The following NRXN3 variants were observed in gnomAD, a reference collection of about 807,000 sequenced individuals.
NRXN3 encodes neurexin 3.
Under a neutral mutation model 137.6 loss-of-function variants are expected in NRXN3, and 32 were observed. The ratio of observed to expected loss-of-function variants is 0.23; its 90% CI spans 0.18 to 0.31. NRXN3 has a LOEUF of 0.31. NRXN3 is among the 10% of genes least tolerant of loss of function. The pLI is 1.00. For synonymous variants in NRXN3, 798 were observed against 784.5 expected (o/e 1.02, Z -0.29); for missense variants, 1,574 against 2,062.5 (o/e 0.76, Z 4.59).
intron 15 of NRXN3, among the ~76,000 whole-genome samples, chr14:79,420,888 CT>C (rs367762711): frequency 5.7e-4 from 86 of 152,212 alleles, no homozygotes; most frequent in African/African-American, 2.0e-3. Context: ...ACTCATGAAT[CT>C]TTAGGAGAAA....
intron 4 of NRXN3, among the ~76,000 whole-genome samples, chr14:78,522,618 G>A (rs1304488181): frequency 6.6e-6 from 1 of 152,096 alleles, no homozygotes; most frequent in South Asian, 2.1e-4. Context: ...TTTAATGATG[G>A]GGTGGAACTT....
chr14:78,962,352 A>G (rs2099409730), intron 11 of NRXN3, among the ~76,000 whole-genome samples: 1 of 152,160 alleles, frequency 6.6e-6, no homozygotes, highest in African/African-American at 2.4e-5. Context: ...CTTGCCTTAT[A>G]TGGAATTTTC....
intron 1 of NRXN3, among the ~76,000 whole-genome samples, chr14:78,242,044 G>A (rs1427208807): frequency 1.3e-5 from 2 of 152,178 alleles, no homozygotes; most frequent in Admixed American, 1.3e-4. Flanking sequence ...TAAAAATTAG[G>A]TGTGGGTATT....
At chr14:78,596,355 G>A (rs1249581640) in intron 4 of NRXN3, among the ~76,000 whole-genome samples, 1 of 152,162 alleles carries the variant, frequency 6.6e-6, no homozygotes, top group Non-Finnish European at 1.5e-5. Flanking sequence ...GTGGGGTGGG[G>A]AGGGTGAAGC....
intron 17 of NRXN3, among the ~76,000 whole-genome samples, chr14:79,681,155 G>C (rs2154013194): frequency 6.6e-6 from 1 of 152,274 alleles, no homozygotes; most frequent in Non-Finnish European, 1.5e-5. Context: ...GGGCCCAGCT[G>C]TCCATGTCTC....
chr14:79,541,761 C>A (rs541645793), intron 16 of NRXN3, among the ~76,000 whole-genome samples: 1 of 152,278 alleles, frequency 6.6e-6, no homozygotes, highest in South Asian at 2.1e-4. Context: ...TATCAGAAAC[C>A]CACCTGTAGC....
intron 20 of NRXN3, among the ~76,000 whole-genome samples, chr14:79,833,514 T>C (rs2141290989): frequency 6.6e-6 from 1 of 152,210 alleles, no homozygotes; most frequent in Middle Eastern, 3.4e-3. Context: ...AATTTTTGCT[T>C]GAGACGGACA....
At chr14:78,335,176 G>A (rs2153575241) in intron 4 of NRXN3, among the ~76,000 whole-genome samples, 1 of 152,308 alleles carries the variant, frequency 6.6e-6, no homozygotes, top group Non-Finnish European at 1.5e-5. Context: ...TTCTCCTGAA[G>A]TCTGCACTTG....
At chr14:79,146,810 G>A (rs563051805) in intron 15 of NRXN3, among the ~76,000 whole-genome samples, 1 of 152,312 alleles carries the variant, frequency 6.6e-6, no homozygotes, top group South Asian at 2.1e-4. Context: ...AAGGACATTT[G>A]CAGAAGGAAG....
At chr14:78,814,286 G>A (rs934851628) in intron 10 of NRXN3, among the ~76,000 whole-genome samples, 5 of 152,130 alleles carry the variant, frequency 3.3e-5, no homozygotes, top group South Asian at 4.2e-4. Context: ...CCATCATGGC[G>A]AATTGAACTA....
At chr14:78,976,937 T>C (rs1358891173) in intron 14 of NRXN3, among the ~76,000 whole-genome samples, 1 of 152,202 alleles carries the variant, frequency 6.6e-6, no homozygotes, top group Non-Finnish European at 1.5e-5. Context: ...ACTTGGCAGG[T>C]TGTATCTCCA....
At position 78,491,287 on chromosome 14, in the gene NRXN3, AG is replaced by A. The variant is rs2095662090; in HGVS notation, c.758-153828del. ...ATTTTCCAGCTCATTGACCACTCAG[AG>A]GGGGAGGGAAAAGGGATGAGATTCT... On this transcript the variant is annotated intron_variant, in intron 4 of 20. Coordinates refer to ENST00000335750, the MANE Select transcript of NRXN3 (RefSeq NM_001330195.2). Among the ~76,000 whole-genome samples the A allele has an allele frequency of 7.9e-5, 11 of 140,020 alleles. No individual in the cohort carries two copies. The Admixed American group carries it at 8.3e-4, about 11-fold the overall frequency. 91.9% of individuals were successfully genotyped at this position (140,020 alleles called of 152,430 possible).
intron 8 of NRXN3, among the ~76,000 whole-genome samples, chr14:78,802,032 C>T (rs2098840805): frequency 6.6e-6 from 1 of 152,194 alleles, no homozygotes; most frequent in Non-Finnish European, 1.5e-5. Flanking sequence ...TATTTGACAA[C>T]AGCCAATATT....
At chr14:78,225,389 A>G (rs11159341) in intron 1 of NRXN3, among the ~76,000 whole-genome samples, 38,561 of 152,026 alleles carry the variant, frequency 0.25, 5,091 homozygotes, top group Middle Eastern at 0.28. Context: ...TTGGCTGCAT[A>G]AATGTCTTCT....
chr14:79,623,918 G>A (rs994688911), intron 16 of NRXN3, among the ~76,000 whole-genome samples: 11 of 104,388 alleles, frequency 1.1e-4, no homozygotes, highest in African/African-American at 4.0e-4. Flanking sequence ...TTTACTGATT[G>A]TATTTGTTAA....
At chr14:79,698,138 G>C (rs917063965) in intron 19 of NRXN3, among the ~76,000 whole-genome samples, 2 of 151,924 alleles carry the variant, frequency 1.3e-5, no homozygotes, top group African/African-American at 4.8e-5. Flanking sequence ...GCACTCCTGG[G>C]TTGTTATTCT....
At chr14:78,694,139 T>C (rs1394392541) in intron 6 of NRXN3, among the ~76,000 whole-genome samples, 1 of 152,026 alleles carries the variant, frequency 6.6e-6, no homozygotes, top group Non-Finnish European at 1.5e-5. Context: ...CCTGATTTCA[T>C]GGTAGTTTGG....
chr14:78,622,368 T>C (rs1269636167), intron 4 of NRXN3, among the ~76,000 whole-genome samples: 1 of 152,262 alleles, frequency 6.6e-6, no homozygotes, highest in Non-Finnish European at 1.5e-5. Flanking sequence ...TGTGATGGTT[T>C]ATGGAAGTGA....
In NRXN3 at chr14:79,658,197, A is replaced by G. The variant is rs1342049374; in HGVS notation, c.3445-5581A>G. Among the ~76,000 whole-genome samples, 3 of 152,270 alleles carry G rather than the reference A, an allele frequency of 2.0e-5. No homozygotes were observed. The East Asian group carries it at 5.8e-4, about 29-fold the overall frequency. ...CAGACCTGGATTCTATTTTTCCATA[A>G]GTCTCTTATTGTGTGAATTCTCTTG... is the stretch of plus-strand genomic sequence containing the variant. On this transcript the variant is annotated intron_variant, in intron 16 of 20. Coordinates refer to ENST00000335750, the MANE Select transcript of NRXN3 (RefSeq NM_001330195.2).
Sources: gnomAD v4.1 joint callset for allele counts (sites outside exome capture counted in the v4.1 genomes callset) on GRCh38, gnomAD v4.1.1 for gene constraint, MANE v1.5 for transcripts, NCBI Gene and HGNC (gene_info 2026-07-23, HGNC 2026-07-21) for gene names.